Variants in FBXW7 observed in about 807,000 individuals in gnomAD.
FBXW7 encodes F-box/WD repeat-containing protein 7.
Under a neutral mutation model 86.3 loss-of-function variants are expected in FBXW7, and 11 were observed. That is an observed-to-expected ratio of 0.13 (90% CI 0.08 to 0.21). FBXW7 has a LOEUF of 0.21. Ranked by LOEUF, FBXW7 falls within the 10% of genes least tolerant of loss-of-function variation. The probability of loss-of-function intolerance (pLI) is 1.00; values close to 1 mark genes in which losing one functional copy is unlikely to be tolerated. For synonymous variants in FBXW7, 313 were observed against 297.9 expected, an observed-to-expected ratio of 1.05 and a Z score of -0.52; for missense variants, 488 against 847.4, an observed-to-expected ratio of 0.58 and a Z score of 5.27.
chr4:152,369,884 A>G (rs376445049), intron 4 of FBXW7, among the ~76,000 whole-genome samples: 2 of 152,000 alleles, frequency 1.3e-5, no homozygotes, highest in African/African-American at 2.4e-5. Context: ...CTTTCATAAT[A>G]TAAGAGATTT....
intron 2 of FBXW7, among the ~76,000 whole-genome samples, chr4:152,432,538 G>A (rs952066954): frequency 2.6e-4 from 40 of 152,132 alleles, no homozygotes; most frequent in African/African-American, 8.0e-4. Flanking sequence ...CAGGTGCGGT[G>A]GCTCATGCCT....
At chr4:152,489,056 T>C (rs1023827530) in intron 2 of FBXW7, among the ~76,000 whole-genome samples, 11 of 152,030 alleles carry the variant, frequency 7.2e-5, no homozygotes, top group African/African-American at 2.7e-4. Flanking sequence ...ATGAGACTTT[T>C]GAGGCTAAAT....
chr4:152,516,544 C>T, intron 2 of FBXW7, among the ~76,000 whole-genome samples: 1 of 152,202 alleles, frequency 6.6e-6, no homozygotes, highest in African/African-American at 2.4e-5. Flanking sequence ...CGATGGAAAA[C>T]TAATACCATA....
intron 2 of FBXW7, among the ~76,000 whole-genome samples, chr4:152,508,683 AGG>A: frequency 6.6e-6 from 1 of 151,874 alleles, no homozygotes. Context: ...AAAAACAGCA[AGG>A]AAGTTAAAAA....
intron 2 of FBXW7, among the ~76,000 whole-genome samples, chr4:152,525,373 C>T (rs1266439214): frequency 6.6e-6 from 1 of 152,128 alleles, no homozygotes; most frequent in Non-Finnish European, 1.5e-5. Flanking sequence ...AAACACATGT[C>T]ACGAGGGTGT....
chr4:152,434,097 A>G (rs1249581693), intron 2 of FBXW7, among the ~76,000 whole-genome samples: 1 of 152,184 alleles, frequency 6.6e-6, no homozygotes, highest in Non-Finnish European at 1.5e-5. Flanking sequence ...CTTTGCATAT[A>G]TGTTGGTTCT....
chr4:152,506,372 C>T (rs1747429616), intron 2 of FBXW7, among the ~76,000 whole-genome samples: 1 of 152,082 alleles, frequency 6.6e-6, no homozygotes, highest in African/African-American at 2.4e-5. Flanking sequence ...ACCTTGTGAT[C>T]TGCCCGCCTC....
chr4:152,514,014 A>G (rs770062546), intron 2 of FBXW7, among the ~76,000 whole-genome samples: 3 of 152,268 alleles, frequency 2.0e-5, no homozygotes, highest in Non-Finnish European at 4.4e-5. Flanking sequence ...TAAGAATTTT[A>G]AATATCAAAG....
intron 2 of FBXW7, among the ~76,000 whole-genome samples, chr4:152,518,839 A>T (rs974684308): frequency 6.6e-6 from 1 of 152,244 alleles, no homozygotes; most frequent in African/African-American, 2.4e-5. Context: ...GAAAAAACAA[A>T]AATACAGATA....
chr4:152,472,656 T>C (rs1481875670), intron 2 of FBXW7, among the ~76,000 whole-genome samples: 1 of 152,202 alleles, frequency 6.6e-6, no homozygotes, highest in Non-Finnish European at 1.5e-5. Flanking sequence ...ATATGACAGA[T>C]ACAGGGAAGC....
In FBXW7 at chr4:152,514,887, G is replaced by T. The variant is rs1748327528; in HGVS notation, c.-120+20054C>A. 1.3e-5 allele frequency among the ~76,000 whole-genome samples: 2 copies of T among 152,144 alleles called. 1 individual carries two copies. Among genetic ancestry groups the T allele is most frequent in the South Asian group, 4.1e-4 (2 of 4,834 alleles). ...AGCAACACAAAAAGAGACTAGGACG[G>T]GGGTATGTGACAGGTGAAAAGCCTC... On this transcript the variant is annotated intron_variant, in intron 2 of 13. Coordinates refer to ENST00000281708, the MANE Select transcript of FBXW7 (RefSeq NM_001349798.2).
chr4:152,418,638 C>T, intron 2 of FBXW7, among the ~76,000 whole-genome samples: 1 of 152,152 alleles, frequency 6.6e-6, no homozygotes, highest in East Asian at 1.9e-4. Flanking sequence ...TTTTATCATA[C>T]ATTAAAGATG....
intron 2 of FBXW7, among the ~76,000 whole-genome samples, chr4:152,470,007 T>C (rs570934993): frequency 6.6e-6 from 1 of 152,018 alleles, no homozygotes; most frequent in Non-Finnish European, 1.5e-5. Context: ...TAAAATTTTT[T>C]AAAAAAGAAG....
chr4:152,480,522 A>C (rs901142906), intron 2 of FBXW7, among the ~76,000 whole-genome samples: 4 of 152,178 alleles, frequency 2.6e-5, no homozygotes, highest in Non-Finnish European at 4.4e-5. Flanking sequence ...CTTTAAATCA[A>C]AAGTTGGAAA....
chr4:152,400,701 A>G (rs1333713687), intron 4 of FBXW7, among the ~76,000 whole-genome samples: 1 of 152,184 alleles, frequency 6.6e-6, no homozygotes, highest in East Asian at 1.9e-4. Flanking sequence ...TACATGAAAG[A>G]AATAATTCAT....
intron 2 of FBXW7, among the ~76,000 whole-genome samples, chr4:152,417,743 T>C (rs1253247415): frequency 1.3e-5 from 2 of 151,950 alleles, no homozygotes; most frequent in Admixed American, 6.6e-5. Flanking sequence ...TACTCAGATA[T>C]CCCCTCAACC....
intron 2 of FBXW7, among the ~76,000 whole-genome samples, chr4:152,457,291 G>C (rs1483929289): frequency 6.6e-6 from 1 of 152,206 alleles, no homozygotes; most frequent in Admixed American, 6.5e-5. Flanking sequence ...TATATACATT[G>C]TGGTGATGGT....
intron 2 of FBXW7, among the ~76,000 whole-genome samples, chr4:152,449,780 C>T (rs1741741182): frequency 6.6e-6 from 1 of 152,162 alleles, no homozygotes; most frequent in African/African-American, 2.4e-5. Flanking sequence ...CAATAATGCA[C>T]AAAGGTATTT....
intron 12 of FBXW7, 130 bp downstream of exon 12, chr4:152,325,875 TA>T: frequency 1.6e-6 from 1 of 637,718 alleles, no homozygotes; most frequent in East Asian, 2.7e-5. Flanking sequence ...TTAACGTATA[TA>T]AAAACAGCAG....
Sources: allele counts gnomAD v4.1 joint callset (sites outside exome capture counted in the v4.1 genomes callset), GRCh38; gene constraint gnomAD v4.1.1; transcripts MANE v1.5; gene names NCBI Gene and HGNC (gene_info 2026-07-23, HGNC 2026-07-21).